HPF1: variants seen among roughly 807,000 people sequenced by gnomAD.
HPF1 encodes the protein UPF0609 protein C4orf27.
A neutral mutation model predicts 38.8 loss-of-function variants in HPF1; 35 were observed. That is an observed-to-expected ratio of 0.90 (90% CI 0.69 to 1.19). The LOEUF is 1.19. Among genes scored for constraint, HPF1 ranks in the 50% most tolerant of loss-of-function variants. HPF1 has a pLI of 0.00. For missense variants in HPF1, 367 were observed against 405.8 expected, an observed-to-expected ratio of 0.90 and a Z score of 0.82; for synonymous variants, 115 against 139.2, an observed-to-expected ratio of 0.83 and a Z score of 1.22.
chr4:169,756,004 T>TA (rs1031259161), intron 1 of HPF1, among the ~76,000 whole-genome samples: 9 of 152,092 alleles, frequency 5.9e-5, no homozygotes, highest in South Asian at 2.1e-4. Context: ...GTCTGATTTA[T>TA]AAAAAAAATT....
chr4:169,731,859 A>C lies in HPF1; in HGVS notation c.754T>G (p.Cys252Gly), dbSNP rs1733834535. Residue 252 changes from cysteine to glycine, a missense_variant, in exon 7 of 8, where the codon TGC becomes GGC. By Grantham distance (159) the Cys-to-Gly change is radical. Coordinates refer to ENST00000393381, the MANE Select transcript of HPF1 (RefSeq NM_017867.3). The part of the protein sequence containing the change: ...PETDADLKRI[C>G]KTIVEAASDE... ...CTTGCAGCCTCAACTATTGTCTTGCAAATTCTCTTGAGGTCAGCTGAAAGA... is the reference window on the plus strand; with the variant it reads ...CTTGCAGCCTCAACTATTGTCTTGCCAATTCTCTTGAGGTCAGCTGAAAGA... The C allele has an allele frequency of 1.9e-6, 3 of 1,612,992 alleles. No individual in the cohort carries two copies. The highest frequency in any genetic ancestry group is 2.5e-6 in the Non-Finnish European group (3 of 1,179,260).
intron 5 of HPF1, among the ~76,000 whole-genome samples, chr4:169,739,193 T>C (rs1193152099): frequency 2.0e-5 from 3 of 152,154 alleles, no homozygotes; most frequent in Non-Finnish European, 4.4e-5. Flanking sequence ...AAAATAATTT[T>C]GTGATAGAGA....
chr4:169,742,732 C>T (rs1733991428), intron 4 of HPF1, among the ~76,000 whole-genome samples: 1 of 152,136 alleles, frequency 6.6e-6, no homozygotes, highest in African/African-American at 2.4e-5. Context: ...GCAGAGCTTG[C>T]AGTGAACCGA....
chr4:169,742,159 C>G, intron 4 of HPF1, 52 bp from the exon 5 acceptor site: 1 of 1,528,888 alleles, frequency 6.5e-7, no homozygotes, highest in Non-Finnish European at 8.9e-7. Context: ...GTACTAAGTA[C>G]AAAGACCTTT....
intron 4 of HPF1, among the ~76,000 whole-genome samples, chr4:169,742,515 A>G (rs1733982674): frequency 6.6e-6 from 1 of 152,226 alleles, no homozygotes; most frequent in Non-Finnish European, 1.5e-5. Context: ...TTTTCAGGCA[A>G]GGCGCAGTGG....
At chr4:169,752,502 GTTTC>G (rs1210132690) in intron 2 of HPF1, among the ~76,000 whole-genome samples, 1 of 151,988 alleles carries the variant, frequency 6.6e-6, no homozygotes, top group Non-Finnish European at 1.5e-5. Flanking sequence ...CCCATTAACA[GTTTC>G]TTTATCCTTT....
At chr4:169,743,347 T>C (rs1225626350) in intron 4 of HPF1, among the ~76,000 whole-genome samples, 1 of 148,776 alleles carries the variant, frequency 6.7e-6, no homozygotes. Flanking sequence ...TGACCTCAGG[T>C]GATCCATCTG....
intron 4 of HPF1, among the ~76,000 whole-genome samples, chr4:169,747,870 C>A (rs1415381895): frequency 6.6e-6 from 1 of 152,230 alleles, no homozygotes; most frequent in Non-Finnish European, 1.5e-5. Flanking sequence ...TAGCTGAGAT[C>A]CCAGCACCTG....
At position 169,748,814 on chromosome 4, in the gene HPF1, C is replaced by T. The variant is rs141469055; in HGVS notation, c.427G>A (p.Val143Ile). ...RDSPDEFPVY[V>I]GINEAKKNCI... ...TTTTTCTTTGCTTCATTTATACCAA[C>T]ATATACAGGAAATTCATCAGGAGAA... is the stretch of plus-strand genomic sequence containing the variant. The change falls in exon 4 of 8, where the codon GTT becomes ATT. Residue 143 changes from valine (V) to isoleucine (I), a missense_variant. By Grantham distance (29) the Val-to-Ile change is conservative. Transcript: ENST00000393381. The T allele has an allele frequency of 8.5e-5, 129 of 1,513,352 alleles. No individual in the cohort carries two copies. The African/African-American group carries it at 1.7e-3, about 20-fold the overall frequency. 93.7% of individuals were successfully genotyped at this position (1,513,352 alleles called of 1,614,324 possible). A position where few individuals can be genotyped will look rare whatever the true frequency, so the allele number is the denominator to read the frequency against.
At chr4:169,731,980 G>C (rs1290134932) in intron 6 of HPF1, 104 bp from the exon 7 acceptor site, 1 of 891,950 alleles carries the variant, frequency 1.1e-6, no homozygotes, top group East Asian at 2.7e-5. Flanking sequence ...CTAAGACTTT[G>C]TACTAATACA....
chr4:169,739,961 G>T (rs1733944834), intron 5 of HPF1, among the ~76,000 whole-genome samples: 1 of 152,182 alleles, frequency 6.6e-6, no homozygotes, highest in Admixed American at 6.5e-5. Context: ...ATGATTACCT[G>T]TACTAATTGT....
At chr4:169,732,124 A>G (rs1733837497) in intron 6 of HPF1, 1 of 309,760 alleles carries the variant, frequency 3.2e-6, no homozygotes, top group Admixed American at 5.0e-5. Flanking sequence ...CACAGGATTT[A>G]GTTACAGTCA....
chr4:169,731,439 G>A (rs1014161360), intron 7 of HPF1, among the ~76,000 whole-genome samples: 2 of 152,112 alleles, frequency 1.3e-5, no homozygotes, highest in African/African-American at 4.8e-5. Context: ...TTTAATGTAA[G>A]CCTGAATGCA....
chr4:169,754,721 C>T (rs1734162996), intron 1 of HPF1, among the ~76,000 whole-genome samples: 1 of 151,964 alleles, frequency 6.6e-6, no homozygotes, highest in South Asian at 2.1e-4. Context: ...GGTGATTTTG[C>T]CCCCCAGGGG....
chr4:169,753,186 A>C (rs937338448), intron 2 of HPF1, among the ~76,000 whole-genome samples: 11 of 151,868 alleles, frequency 7.2e-5, no homozygotes, highest in Non-Finnish European at 1.6e-4. Flanking sequence ...GGTGTGCACC[A>C]CCATGCCCAG....
chr4:169,748,971 T>C lies in HPF1; in HGVS notation c.399-129A>G. ...CTTTTTGGAGGCCTTTTTTTTTTTT[T>C]AATCATACCAGAATTTATCGATTAC... On this transcript the variant is annotated intron_variant, in intron 3 of 7. Transcript: ENST00000393381. 4 of 511,310 alleles carry C rather than the reference T, an allele frequency of 7.8e-6. No homozygotes were observed. In the South Asian group the frequency reaches 1.1e-4, roughly 14 times the overall value. The allele number at this position is 511,310 out of a possible 1,614,324, so 31.7% of individuals were successfully genotyped here.
intron 4 of HPF1, among the ~76,000 whole-genome samples, chr4:169,746,985 C>CTT (rs372582807): frequency 6.2e-5 from 3 of 48,212 alleles, no homozygotes; most frequent in African/African-American, 1.9e-4. Context: ...ATTATGTTAT[C>CTT]TTTTTTTAAA....
intron 5 of HPF1, 52 bp downstream of exon 5, chr4:169,741,905 G>A: frequency 6.6e-7 from 1 of 1,503,978 alleles, no homozygotes; most frequent in Non-Finnish European, 9.2e-7. Flanking sequence ...GGAATCAAGA[G>A]GGGAAAAAAA....
intron 2 of HPF1, 74 bp downstream of exon 2, chr4:169,753,602 A>T (rs1734147232): frequency 1.6e-6 from 2 of 1,282,638 alleles, no homozygotes; most frequent in Non-Finnish European, 2.2e-6. Flanking sequence ...ACAGAGTGTG[A>T]GCCACCACAC....
Sources: gnomAD v4.1 joint callset for allele counts (sites outside exome capture counted in the v4.1 genomes callset) on GRCh38, gnomAD v4.1.1 for gene constraint, MANE v1.5 for transcripts, NCBI Gene and HGNC (gene_info 2026-07-23, HGNC 2026-07-21) for gene names.